INO80: variants seen among roughly 807,000 people sequenced by gnomAD.
INO80 encodes chromatin-remodeling ATPase INO80.
INO80 carries 20 observed loss-of-function variants against 203.4 expected under a neutral mutation model. The observed-to-expected ratio is 0.10, with a 90% CI of 0.07 to 0.14. The LOEUF (loss-of-function observed/expected upper bound fraction) is 0.14. INO80 is among the 10% of genes least tolerant of loss of function. The probability of loss-of-function intolerance (pLI) is 1.00; values close to 1 mark genes in which losing one functional copy is unlikely to be tolerated. For missense variants in INO80, 1,419 were observed against 1,914.4 expected (o/e 0.74, Z 4.83); for synonymous variants, 726 against 685.2 (o/e 1.06, Z -0.93).
chr15:41,033,835 AGGTC>A (rs1210644765), intron 24 of INO80, among the ~76,000 whole-genome samples: 1 of 152,144 alleles, frequency 6.6e-6, no homozygotes, highest in East Asian at 1.9e-4. Flanking sequence ...GAGGATCACG[AGGTC>A]AGGAGATCAA....
intron 27 of INO80, among the ~76,000 whole-genome samples, chr15:41,009,161 A>C (rs2044095556): frequency 6.6e-6 from 1 of 152,046 alleles, no homozygotes; most frequent in Non-Finnish European, 1.5e-5. Context: ...ATTTGATTCG[A>C]AAGCATTAAT....
intron 28 of INO80, among the ~76,000 whole-genome samples, chr15:40,998,989 C>CACACACACAA (rs2043920452): frequency 6.7e-6 from 1 of 148,758 alleles, no homozygotes; most frequent in South Asian, 2.1e-4. Context: ...TATCTACACA[C>CACACACACAA]ACACACACAC....
chr15:41,038,678 A>G (rs953427470), intron 24 of INO80, among the ~76,000 whole-genome samples: 3 of 152,138 alleles, frequency 2.0e-5, no homozygotes, highest in Admixed American at 6.5e-5. Flanking sequence ...TCCCTTTTCT[A>G]TAATCTTTCT....
In INO80 at chr15:41,096,281, A is replaced by T; in HGVS notation, c.30T>A (p.Asp10Glu). Residue 10 changes from aspartate to glutamate, a missense_variant, in exon 2 of 36, where the codon GAT becomes GAA. By Grantham distance (45) the Asp-to-Glu change is conservative. Transcript: ENST00000648947. Reference protein sequence around the residue: MASELGARDDGGCTELAKPL... With the variant: MASELGARDEGGCTELAKPL... ...GCTTTGCCAGCTCAGTGCAGCCTCC[A>T]TCATCCCTGGCACCCAACTCCGAGG... The T allele has an allele frequency of 6.2e-7, 1 of 1,605,172 alleles. No homozygotes were observed. The highest frequency in any genetic ancestry group is 8.5e-7 in the Non-Finnish European group (1 of 1,177,730).
chr15:41,111,923 T>C (rs1176436676), intron 1 of INO80, among the ~76,000 whole-genome samples: 2 of 152,048 alleles, frequency 1.3e-5, no homozygotes, highest in Non-Finnish European at 2.9e-5. Flanking sequence ...AGAACCTTGC[T>C]CTGGAGGGAA....
intron 29 of INO80, among the ~76,000 whole-genome samples, chr15:40,994,429 T>C (rs2043853460): frequency 6.6e-6 from 1 of 152,176 alleles, no homozygotes; most frequent in South Asian, 2.1e-4. Context: ...AGTGGCACGA[T>C]CTTGGCGCAC....
At chr15:41,084,362 C>A (rs1016666077) in intron 7 of INO80, among the ~76,000 whole-genome samples, 3 of 151,994 alleles carry the variant, frequency 2.0e-5, no homozygotes, top group Admixed American at 2.0e-4. Flanking sequence ...GAGTTCGAGA[C>A]CAGCCTGGCC....
intron 27 of INO80, 99 bp from the exon 28 acceptor site, chr15:41,005,786 G>C: frequency 1.6e-6 from 1 of 622,772 alleles, no homozygotes; most frequent in Non-Finnish European, 2.9e-6. Context: ...CCACACTGGA[G>C]GCAAGCCATT....
intron 14 of INO80, among the ~76,000 whole-genome samples, chr15:41,065,430 G>C (rs2045192743): frequency 6.6e-6 from 1 of 152,038 alleles, no homozygotes; most frequent in African/African-American, 2.4e-5. Flanking sequence ...GCAAGACTCT[G>C]TGTCATAAAA....
chr15:41,094,098 A>G (rs1260383713), intron 4 of INO80, among the ~76,000 whole-genome samples: 1 of 152,244 alleles, frequency 6.6e-6, no homozygotes, highest in Admixed American at 6.5e-5. Context: ...AATTAGTTTC[A>G]ATAAAAGAAA....
chr15:41,048,595 A>G (rs1174778659), intron 21 of INO80, among the ~76,000 whole-genome samples: 8 of 152,214 alleles, frequency 5.3e-5, no homozygotes, highest in African/African-American at 1.9e-4. Context: ...TCCCAGCTCA[A>G]GTTAAATATT....
intron 1 of INO80, among the ~76,000 whole-genome samples, chr15:41,099,266 AAC>A (rs2045771475): frequency 4.1e-5 from 5 of 122,120 alleles, no homozygotes; most frequent in African/African-American, 1.3e-4. Flanking sequence ...AAAAAAAAAA[AAC>A]AAACACACAC....
chr15:41,009,231 CTT>C (rs11392141), intron 27 of INO80, among the ~76,000 whole-genome samples: 95 of 147,804 alleles, frequency 6.4e-4, no homozygotes, highest in African/African-American at 1.6e-3. Context: ...TTATACTGTT[CTT>C]TTTTTTTTTT....
chr15:41,095,878 G>A lies in INO80; in HGVS notation c.194C>T (p.Ser65Phe). 1.2e-6 allele frequency: 2 copies of A among 1,613,992 alleles called. No individual in the cohort carries two copies. The highest frequency in any genetic ancestry group is 2.2e-5 in the East Asian group (1 of 44,866). ...CTTAACTTGTATTAAGGGATCCCCA[G>A]ACTGGGGCAATAATGGATTACTGTC... is the stretch of plus-strand genomic sequence containing the variant. The part of the protein sequence containing the change: ...LDDSNPLLPQ[S>F]GDPLIQVKEE... Residue 65 changes from serine to phenylalanine, a missense_variant, in exon 3 of 36, where the codon TCT becomes TTT. Physicochemically the swap from Ser to Phe is radical, Grantham distance 155. Transcript: ENST00000648947.
intron 18 of INO80, among the ~76,000 whole-genome samples, chr15:41,054,741 C>A (rs574466251): frequency 1.3e-5 from 2 of 152,226 alleles, no homozygotes; most frequent in East Asian, 1.9e-4. Flanking sequence ...TGGGTTCAAG[C>A]GATTCACCCG....
At chr15:40,982,727 G>A (rs1328311163) in intron 35 of INO80, 135 bp downstream of exon 35, 9 of 693,798 alleles carry the variant, frequency 1.3e-5, no homozygotes, top group Admixed American at 2.6e-5. Flanking sequence ...TTATTACAAA[G>A]AAGAAGAACC....
intron 14 of INO80, 53 bp downstream of exon 14, chr15:41,069,517 T>A: frequency 9.1e-7 from 1 of 1,104,068 alleles, no homozygotes; most frequent in Non-Finnish European, 1.3e-6. Context: ...AAAAGGAGAG[T>A]CAAAAAGTTT....
chr15:41,054,032 C>A lies in INO80; in HGVS notation c.2189-18G>T. 1 of 1,599,220 alleles carries A rather than the reference C, an allele frequency of 6.3e-7. No individual in the cohort carries two copies. The highest frequency in any genetic ancestry group is 8.6e-7 in the Non-Finnish European group (1 of 1,167,168). On this transcript the variant is annotated intron_variant, in intron 18 of 35. Transcript: ENST00000648947. ...AAGTTGATCTGAAATGCCGGGAGGCCCCCAAATAATACATTATAGTGATTT... is the reference window on the plus strand; with the variant it reads ...AAGTTGATCTGAAATGCCGGGAGGCACCCAAATAATACATTATAGTGATTT...
intron 24 of INO80, among the ~76,000 whole-genome samples, chr15:41,033,350 T>G (rs2044519520): frequency 6.6e-6 from 1 of 151,798 alleles, no homozygotes; most frequent in Admixed American, 6.6e-5. Flanking sequence ...TTTTTTTTTT[T>G]TTTTTGGAGA....
Sources: gnomAD v4.1 joint callset for allele counts (sites outside exome capture counted in the v4.1 genomes callset) on GRCh38, gnomAD v4.1.1 for gene constraint, MANE v1.5 for transcripts, NCBI Gene and HGNC (gene_info 2026-07-23, HGNC 2026-07-21) for gene names.